Variants in CYB5A observed in about 807,000 individuals in gnomAD.
CYB5A encodes the protein cytochrome b5.
A neutral mutation model predicts 16.2 loss-of-function variants in CYB5A; 10 were observed. The ratio of observed to expected loss-of-function variants is 0.62; its 90% CI spans 0.38 to 1.04. The LOEUF is 1.04. Ranked by LOEUF, CYB5A falls within the 50% of genes least tolerant of loss-of-function variation. The pLI, the probability that CYB5A is intolerant of heterozygous loss-of-function variation, is 0.01. For synonymous variants in CYB5A, 62 were observed against 57.0 expected (o/e 1.09, Z -0.40); for missense variants, 161 against 165.9 (o/e 0.97, Z 0.16).
At chr18:74,255,973 T>G in intron 3 of CYB5A, 198 bp from the exon 4 acceptor site, 1 of 572,376 alleles carries the variant, frequency 1.7e-6, no homozygotes, top group African/African-American at 1.9e-5. Flanking sequence ...ATTTTAATCA[T>G]TATATTTACT....
intron 1 of CYB5A, among the ~76,000 whole-genome samples, chr18:74,283,517 T>C (rs1429386340): frequency 6.6e-6 from 1 of 152,198 alleles, no homozygotes; most frequent in African/African-American, 2.4e-5. Flanking sequence ...GAAGGCAACA[T>C]AGTAAACTGA....
intron 1 of CYB5A, among the ~76,000 whole-genome samples, chr18:74,289,438 G>A (rs77731706): frequency 0.1 from 15,164 of 152,132 alleles, 1,001 homozygotes; most frequent in Admixed American, 0.17. Context: ...ATGTGCCCTA[G>A]GGGACCTCTG....
At position 74,274,797 on chromosome 18, in the gene CYB5A, A is replaced by G. The variant is rs557509340; in HGVS notation, c.130-11320T>C. 5.3e-5 allele frequency among the ~76,000 whole-genome samples: 8 copies of G among 152,332 alleles called. No homozygotes were observed. The South Asian group carries it at 1.7e-3, about 32-fold the overall frequency. On this transcript the variant is annotated intron_variant, in intron 1 of 4. Transcript: ENST00000340533. Reference sequence around the variant, plus strand: ...AATATTTTTGTCTAACGTTGCCCTTAACTCCTAAATTTGCTACATTTTAGT... The same window carrying G: ...AATATTTTTGTCTAACGTTGCCCTTGACTCCTAAATTTGCTACATTTTAGT...
At chr18:74,278,394 A>G (rs1378419042) in intron 1 of CYB5A, among the ~76,000 whole-genome samples, 1 of 152,184 alleles carries the variant, frequency 6.6e-6, no homozygotes, top group East Asian at 1.9e-4. Flanking sequence ...GATGTTCGAG[A>G]AAGATCAGTT....
chr18:74,271,818 C>A (rs1163533769), intron 1 of CYB5A, among the ~76,000 whole-genome samples: 1 of 152,180 alleles, frequency 6.6e-6, no homozygotes, highest in Non-Finnish European at 1.5e-5. Flanking sequence ...GCATAATACG[C>A]TACTGTCAAC....
chr18:74,254,407 A>G (rs2145034398), intron 4 of CYB5A, among the ~76,000 whole-genome samples: 1 of 152,038 alleles, frequency 6.6e-6, no homozygotes, highest in East Asian at 1.9e-4. Context: ...TCACCAAAAA[A>G]AAAAAAAAAA....
chr18:74,291,696 C>T (rs769865116), intron 1 of CYB5A, 51 bp downstream of exon 1: 25 of 1,612,106 alleles, frequency 1.6e-5, no homozygotes, highest in Non-Finnish European at 1.9e-5. Flanking sequence ...CAGTGAACCC[C>T]CAAACCCGGC....
At chr18:74,273,713 C>T (rs115627016) in intron 1 of CYB5A, among the ~76,000 whole-genome samples, 2,348 of 152,336 alleles carry the variant, frequency 0.015, 45 homozygotes, top group African/African-American at 0.053. Context: ...GATTCACCTG[C>T]TCCTGGGATT....
chr18:74,278,053 TCA>T (rs1217093331), intron 1 of CYB5A, among the ~76,000 whole-genome samples: 1 of 152,234 alleles, frequency 6.6e-6, no homozygotes, highest in Non-Finnish European at 1.5e-5. Context: ...TAATAAATGC[TCA>T]CTGTGTATAG....
intron 4 of CYB5A, 50 bp from the exon 5 acceptor site, chr18:74,253,715 G>A (rs1981856769): frequency 1.5e-6 from 2 of 1,299,638 alleles, no homozygotes; most frequent in East Asian, 2.3e-5. Context: ...CACTGTGGTG[G>A]ACTCAAAATC....
At chr18:74,257,193 T>C in intron 3 of CYB5A, 1 of 328,402 alleles carries the variant, frequency 3.0e-6, no homozygotes, top group South Asian at 3.3e-5. Context: ...GGGCAGGCAT[T>C]TCACCAACGT....
intron 1 of CYB5A, among the ~76,000 whole-genome samples, chr18:74,267,452 G>C (rs1982488013): frequency 6.6e-6 from 1 of 152,138 alleles, no homozygotes; most frequent in Non-Finnish European, 1.5e-5. Context: ...CCACACATTT[G>C]GAGACTAAAG....
chr18:74,279,118 C>T (rs1982990298), intron 1 of CYB5A, among the ~76,000 whole-genome samples: 1 of 152,180 alleles, frequency 6.6e-6, no homozygotes, highest in African/African-American at 2.4e-5. Context: ...CAATGCAACC[C>T]GATGTCCTCA....
At position 74,282,554 on chromosome 18, in the gene CYB5A, G is replaced by A. The variant is rs544828702; in HGVS notation, c.129+9193C>T. 1.6e-4 allele frequency among the ~76,000 whole-genome samples: 25 copies of A among 152,314 alleles called. No individual in the cohort carries two copies. The South Asian group carries it at 4.1e-3, about 25-fold the overall frequency. On this transcript the variant is annotated intron_variant, in intron 1 of 4. Coordinates refer to ENST00000340533, the MANE Select transcript of CYB5A (RefSeq NM_148923.4). Reference sequence around the variant, plus strand: ...AGGCGGGCAGGCAGGAGCCCTCATCGCGTGGAAAAAGCAGCATATCACAGC... The same window carrying A: ...AGGCGGGCAGGCAGGAGCCCTCATCACGTGGAAAAAGCAGCATATCACAGC...
chr18:74,288,677 C>T (rs112059747), intron 1 of CYB5A, among the ~76,000 whole-genome samples: 3 of 152,224 alleles, frequency 2.0e-5, no homozygotes, highest in Non-Finnish European at 2.9e-5. Context: ...GAGCTCTGAG[C>T]GAGTGAGCTT....
chr18:74,254,642 C>A (rs183355763), intron 4 of CYB5A, among the ~76,000 whole-genome samples: 1,670 of 151,942 alleles, frequency 0.011, 25 homozygotes, highest in African/African-American at 0.038. Flanking sequence ...GCCTCAGCCT[C>A]CCGAGTAGCT....
rs1221095448 is a variant in CYB5A at position 74,255,915 on chromosome 18, ACTT to A, written c.289-143_289-141del. The A allele has an allele frequency of 1.5e-5, 10 of 659,100 alleles. No homozygotes were observed. The Admixed American group carries it at 2.2e-4, about 15-fold the overall frequency. 40.8% of individuals were successfully genotyped at this position (659,100 alleles called of 1,614,324 possible). A position where few individuals can be genotyped will look rare whatever the true frequency, so the allele number is the denominator to read the frequency against. On this transcript the variant is annotated intron_variant, in intron 3 of 4. Coordinates refer to ENST00000340533, the MANE Select transcript of CYB5A (RefSeq NM_148923.4). ...AAGATGTCGAAAGGGAAAATTATAA[ACTT>A]CTTTTCACTAAAATGCCTAACTTTG...
intron 4 of CYB5A, among the ~76,000 whole-genome samples, chr18:74,254,254 G>A (rs1981879515): frequency 6.6e-6 from 1 of 152,140 alleles, no homozygotes; most frequent in South Asian, 2.1e-4. Context: ...TATGGGCCCT[G>A]TGATGATTAA....
chr18:74,252,488 C>A lies in CYB5A; in HGVS notation c.*1096G>T, dbSNP rs1024294853. 1.3e-5 allele frequency: 2 copies of A among 152,150 alleles called. No homozygotes were observed. Among genetic ancestry groups the A allele is most frequent in the African/African-American group, 2.4e-5 (1 of 41,434 alleles). The allele number at this position is 152,150 out of a possible 1,614,324, so 9.4% of individuals were successfully genotyped here. A position where few individuals can be genotyped will look rare whatever the true frequency, so the allele number is the denominator to read the frequency against. ...CACAATCTCCTTACAAATTAGAAAA[C>A]CAGCCTTTCCTTAGAAGAGTTTACA... On this transcript the variant is annotated 3_prime_UTR_variant, in exon 5 of 5. Transcript: ENST00000340533.
Sources: gnomAD v4.1 joint callset for allele counts (sites outside exome capture counted in the v4.1 genomes callset) on GRCh38, gnomAD v4.1.1 for gene constraint, MANE v1.5 for transcripts, NCBI Gene and HGNC (gene_info 2026-07-23, HGNC 2026-07-21) for gene names.